KLHL20: variants seen among roughly 807,000 people sequenced by gnomAD.
The protein encoded by KLHL20 is kelch-like protein 20.
Under a neutral mutation model 69.5 loss-of-function variants are expected in KLHL20, and 29 were observed. The ratio of observed to expected loss-of-function variants is 0.42; its 90% CI spans 0.31 to 0.57. KLHL20 has a LOEUF of 0.57. Among genes scored for constraint, KLHL20 ranks in the 20% least tolerant of loss-of-function variants. The pLI is 0.18. For missense variants in KLHL20, 419 were observed against 776.0 expected, an observed-to-expected ratio of 0.54 and a Z score of 5.47; for synonymous variants, 253 against 265.2, an observed-to-expected ratio of 0.95 and a Z score of 0.45.
At chr1:173,745,401 G>C (rs1163908936) in intron 3 of KLHL20, among the ~76,000 whole-genome samples, 2 of 151,798 alleles carry the variant, frequency 1.3e-5, no homozygotes, top group African/African-American at 2.4e-5. Flanking sequence ...GACCTCAAAT[G>C]ATCCGCCCTC....
intron 3 of KLHL20, among the ~76,000 whole-genome samples, chr1:173,736,303 A>G (rs1672531196): frequency 6.6e-6 from 1 of 152,002 alleles, no homozygotes; most frequent in African/African-American, 2.4e-5. Flanking sequence ...GTATATATAC[A>G]TACCACATTT....
chr1:173,728,729 A>G (rs1267516128), intron 2 of KLHL20, among the ~76,000 whole-genome samples: 1 of 152,200 alleles, frequency 6.6e-6, no homozygotes, highest in African/African-American at 2.4e-5. Flanking sequence ...AATCTCTGGG[A>G]CACATTCAAA....
chr1:173,733,020 A>ACTT (rs1672357245), intron 2 of KLHL20, among the ~76,000 whole-genome samples: 2 of 140,178 alleles, frequency 1.4e-5, no homozygotes, highest in African/African-American at 5.3e-5. Flanking sequence ...TTCAATCCAG[A>ACTT]CTTTTTTTTT....
intron 3 of KLHL20, among the ~76,000 whole-genome samples, chr1:173,745,411 CCTT>C (rs1231301410): frequency 2.0e-5 from 3 of 152,008 alleles, no homozygotes; most frequent in Non-Finnish European, 4.4e-5. Flanking sequence ...GATCCGCCCT[CCTT>C]GGCCTCCCAA....
chr1:173,774,263 C>T (rs1162741474), intron 8 of KLHL20, 42 bp from the exon 9 acceptor site: 1 of 1,612,506 alleles, frequency 6.2e-7, no homozygotes, highest in Non-Finnish European at 8.5e-7. Flanking sequence ...AAAGGCTTCA[C>T]TTAATAAGAA....
intron 3 of KLHL20, among the ~76,000 whole-genome samples, chr1:173,737,998 T>C (rs1305946378): frequency 1.3e-5 from 2 of 152,042 alleles, no homozygotes; most frequent in Non-Finnish European, 2.9e-5. Context: ...GTTCTTGATT[T>C]GATTCTCAGC....
At chr1:173,755,709 T>G (rs6663880) in intron 5 of KLHL20, among the ~76,000 whole-genome samples, 1 of 152,148 alleles carries the variant, frequency 6.6e-6, no homozygotes, top group African/African-American at 2.4e-5. Context: ...CAGTGAGACA[T>G]GAGTCATGAT....
intron 4 of KLHL20, 85 bp downstream of exon 4, chr1:173,752,007 G>A: frequency 7.8e-7 from 1 of 1,282,502 alleles, no homozygotes; most frequent in Non-Finnish European, 1.1e-6. Flanking sequence ...GGAGGCCAAG[G>A]CAGGTGGATC....
At chr1:173,764,039 AC>A (rs1317513167) in intron 7 of KLHL20, among the ~76,000 whole-genome samples, 6 of 152,204 alleles carry the variant, frequency 3.9e-5, no homozygotes, top group East Asian at 1.9e-4. Flanking sequence ...TGAGAAAAAA[AC>A]AATCCTATCA....
chr1:173,734,921 G>C (rs934484993), intron 3 of KLHL20, among the ~76,000 whole-genome samples: 2 of 152,158 alleles, frequency 1.3e-5, no homozygotes, highest in Non-Finnish European at 2.9e-5. Context: ...TACAGTTAAT[G>C]GGTGTTACAA....
At chr1:173,781,077 A>C (rs1219387280) in intron 10 of KLHL20, among the ~76,000 whole-genome samples, 4 of 151,458 alleles carry the variant, frequency 2.6e-5, no homozygotes. Flanking sequence ...GGAGAAGAAA[A>C]CACCAGCCAG....
intron 10 of KLHL20, among the ~76,000 whole-genome samples, chr1:173,781,100 A>G (rs1037967121): frequency 2.0e-5 from 3 of 151,912 alleles, no homozygotes; most frequent in African/African-American, 7.3e-5. Flanking sequence ...AACATGTGCA[A>G]AAGTGTGGAG....
At position 173,780,508 on chromosome 1, in the gene KLHL20, C is replaced by T. The variant is rs557814057; in HGVS notation, c.1639-1616C>T. Among the ~76,000 whole-genome samples, 3 of 152,144 alleles carry T rather than the reference C, an allele frequency of 2.0e-5. No individual in the cohort carries two copies. The South Asian group carries it at 6.2e-4, about 32-fold the overall frequency. On this transcript the variant is annotated intron_variant, in intron 10 of 11. Transcript: ENST00000209884. ...AGAAAACAGTAGCCAGGGCCAGGTGCGGTGGCTCATGCCTGTAATCCCAGC... is the reference window on the plus strand; with the variant it reads ...AGAAAACAGTAGCCAGGGCCAGGTGTGGTGGCTCATGCCTGTAATCCCAGC...
chr1:173,752,211 G>A lies in KLHL20; in HGVS notation c.756+289G>A, dbSNP rs184131654. ...AGATCGTGCCACTGTATTCCAGCCT[G>A]GCGACAGAGCGAGACTCCATCTCAA... On this transcript the variant is annotated intron_variant, in intron 4 of 11. Transcript: ENST00000209884. Among the ~76,000 whole-genome samples, 1,386 of 150,974 alleles carry A rather than the reference G, an allele frequency of 9.2e-3. 10 individuals carry two copies. The highest frequency in any genetic ancestry group is 0.014 in the Non-Finnish European group (939 of 67,706).
intron 3 of KLHL20, chr1:173,741,851 C>T: frequency 1.3e-6 from 2 of 1,585,756 alleles, no homozygotes; most frequent in Admixed American, 1.7e-5. Context: ...GTGTTGGCTG[C>T]TCCACTGTCC....
intron 2 of KLHL20, among the ~76,000 whole-genome samples, chr1:173,729,400 GCT>G (rs1672143024): frequency 1.3e-5 from 2 of 152,162 alleles, no homozygotes; most frequent in Non-Finnish European, 1.5e-5. Context: ...TGATACCAAA[GCT>G]TGGCAGAGAC....
chr1:173,743,540 A>T (rs6686760), intron 3 of KLHL20, among the ~76,000 whole-genome samples: 38,417 of 149,752 alleles, frequency 0.26, 4,974 homozygotes, highest in Middle Eastern at 0.4. Context: ...GGTGATTTTA[A>T]AAAAAAAAAA....
At chr1:173,748,703 C>T (rs1249691410) in intron 3 of KLHL20, among the ~76,000 whole-genome samples, 1 of 151,888 alleles carries the variant, frequency 6.6e-6, no homozygotes, top group Non-Finnish European at 1.5e-5. Context: ...ACATATGTAA[C>T]TAACCTGCAC....
intron 4 of KLHL20, among the ~76,000 whole-genome samples, chr1:173,753,005 A>C (rs1193681329): frequency 6.9e-6 from 1 of 145,260 alleles, no homozygotes; most frequent in Non-Finnish European, 1.5e-5. Flanking sequence ...CCGTTTCTAC[A>C]AAAAAAAAAA....
Sources: gnomAD v4.1 joint callset for allele counts (sites outside exome capture counted in the v4.1 genomes callset) on GRCh38, gnomAD v4.1.1 for gene constraint, MANE v1.5 for transcripts, NCBI Gene and HGNC (gene_info 2026-07-23, HGNC 2026-07-21) for gene names.